ANKRD36B: variants seen among roughly 807,000 people sequenced by gnomAD.
ANKRD36B encodes ankyrin repeat domain-containing protein 36B.
A neutral mutation model predicts 135.7 loss-of-function variants in ANKRD36B; 37 were observed. The ratio of observed to expected loss-of-function variants is 0.27; its 90% CI spans 0.21 to 0.36. The LOEUF (loss-of-function observed/expected upper bound fraction) is 0.36. Ranked by LOEUF, ANKRD36B falls within the 10% of genes least tolerant of loss-of-function variation. The pLI is 1.00. For synonymous variants in ANKRD36B, 179 were observed against 348.1 expected (o/e 0.51, Z 5.41); for missense variants, 549 against 1,037.1 (o/e 0.53, Z 6.46).
At chr2:97,580,667 T>A (rs1355859313) in intron 3 of ANKRD36B, 99 bp from the exon 4 acceptor site, 2 of 1,159,886 alleles carry the variant, frequency 1.7e-6, no homozygotes, top group Admixed American at 5.4e-5. Flanking sequence ...ATATATACAA[T>A]TGAAAGGTCG....
chr2:97,588,512 G>A (rs2083183574), intron 1 of ANKRD36B, among the ~76,000 whole-genome samples: 1 of 152,124 alleles, frequency 6.6e-6, no homozygotes, highest in Middle Eastern at 3.4e-3. Flanking sequence ...TTCATATCTA[G>A]AAAGGCAAGT....
chr2:97,553,497 C>T (rs2080244476), intron 14 of ANKRD36B, 126 bp from the exon 15 acceptor site: 3 of 1,201,644 alleles, frequency 2.5e-6, no homozygotes, highest in South Asian at 2.9e-5. Flanking sequence ...ATGTTTTCTA[C>T]TTTATGTCTT....
intron 36 of ANKRD36B, among the ~76,000 whole-genome samples, chr2:97,519,698 A>C (rs2104361737): frequency 1.2e-5 from 1 of 83,242 alleles, no homozygotes; most frequent in South Asian, 2.7e-4. Context: ...AGGGTGCCTA[A>C]GGGTAAGAGA....
intron 6 of ANKRD36B, among the ~76,000 whole-genome samples, chr2:97,571,069 T>C (rs2081819435): frequency 6.6e-6 from 1 of 152,110 alleles, no homozygotes; most frequent in Non-Finnish European, 1.5e-5. Flanking sequence ...TTAACCAGAA[T>C]AAAAATTTGA....
chr2:97,577,639 T>C (rs1283375683), intron 5 of ANKRD36B, among the ~76,000 whole-genome samples: 1 of 149,882 alleles, frequency 6.7e-6, no homozygotes, highest in African/African-American at 2.4e-5. Context: ...TACTTTTACA[T>C]ATAACTGCTG....
In ANKRD36B at chr2:97,547,571, G is replaced by A. The variant is rs1347131351; in HGVS notation, c.1544C>T (p.Ala515Val). The stretch of plus-strand genomic sequence containing the variant: ...TTTTTCTCCATCTTTTTTTCCTCTG[G>A]CTATATTCAAAAGAGAATCTTTCTC... Reference protein sequence around the residue: ...RDEKDSLLNIARGKKDGEKTR... With the variant: ...RDEKDSLLNIVRGKKDGEKTR... Residue 515 changes from alanine (A) to valine (V), a missense_variant, in exon 22 of 44, where the codon GCC (alanine) becomes GTC (valine). Coordinates refer to ENST00000359901, the MANE Select transcript of ANKRD36B (RefSeq NM_001393939.1). 2 of 1,557,246 alleles carry A rather than the reference G, an allele frequency of 1.3e-6. No homozygotes were observed. Among genetic ancestry groups the A allele is most frequent in the African/African-American group, 2.7e-5 (2 of 73,586 alleles).
At chr2:97,547,333 G>A (rs967586152) in intron 22 of ANKRD36B, 49 of 583,716 alleles carry the variant, frequency 8.4e-5, no homozygotes, top group Non-Finnish European at 1.3e-4. Flanking sequence ...ATTTCAATGT[G>A]GGGAAGTGTA....
chr2:97,573,348 A>C (rs2082012382), intron 6 of ANKRD36B, among the ~76,000 whole-genome samples: 1 of 152,082 alleles, frequency 6.6e-6, no homozygotes, highest in Non-Finnish European at 1.5e-5. Flanking sequence ...TGTCTTTGCT[A>C]TTGTGAATAG....
chr2:97,562,846 C>T (rs1400527416), intron 6 of ANKRD36B, among the ~76,000 whole-genome samples: 1 of 151,964 alleles, frequency 6.6e-6, no homozygotes, highest in Non-Finnish European at 1.5e-5. Flanking sequence ...CAAAAGCAGC[C>T]CCATGGCCTC....
intron 2 of ANKRD36B, 22 bp downstream of exon 2, chr2:97,585,262 C>T (rs1395614825): frequency 6.3e-7 from 1 of 1,586,310 alleles, no homozygotes; most frequent in African/African-American, 1.3e-5. Context: ...ATCTCATGCT[C>T]AAAGAGTCAG....
At chr2:97,580,338 AC>A (rs2082548307) in intron 4 of ANKRD36B, 123 bp downstream of exon 4, 1 of 811,876 alleles carries the variant, frequency 1.2e-6, no homozygotes, top group Non-Finnish European at 1.8e-6. Context: ...GATATTTCTC[AC>A]TATATCCCAG....
intron 6 of ANKRD36B, among the ~76,000 whole-genome samples, chr2:97,569,516 C>T (rs2081679784): frequency 6.6e-6 from 1 of 150,840 alleles, no homozygotes; most frequent in Admixed American, 6.6e-5. Flanking sequence ...ATAGAAGGTA[C>T]AATACCAAGA....
rs2078371027 is a variant in ANKRD36B at position 97,528,667 on chromosome 2, A to G, written c.2265+3644T>C. On this transcript the variant is annotated intron_variant, in intron 35 of 43. Coordinates refer to ENST00000359901, the MANE Select transcript of ANKRD36B (RefSeq NM_001393939.1). ...TTGATAGACCGCTAGCAAGACTAAT[A>G]AAGAAGAAAAGAGAGAAGAATCAAA... Among the ~76,000 whole-genome samples the G allele has an allele frequency of 2.1e-5, 2 of 96,456 alleles. 1 individual carries two copies. The highest frequency in any genetic ancestry group is 6.2e-5 in the African/African-American group (2 of 32,106). The allele number at this position is 96,456 out of a possible 152,430, so 63.3% of individuals were successfully genotyped here.
At position 97,556,581 on chromosome 2, in the gene ANKRD36B, C is replaced by T. The variant is rs3927064; in HGVS notation, c.1069+356G>A. 2.5e-3 allele frequency among the ~76,000 whole-genome samples: 374 copies of T among 151,964 alleles called. 1 individual carries two copies. Among genetic ancestry groups the T allele is most frequent in the African/African-American group, 8.6e-3 (358 of 41,506 alleles). The stretch of plus-strand genomic sequence containing the variant: ...CTTCCTCCCTCTGGTTTTAGCAGTA[C>T]CATCTGACATCTATAATTTCTGTTA... On this transcript the variant is annotated intron_variant, in intron 12 of 43. Coordinates refer to ENST00000359901, the MANE Select transcript of ANKRD36B (RefSeq NM_001393939.1).
chr2:97,573,088 G>A (rs938420140), intron 6 of ANKRD36B, among the ~76,000 whole-genome samples: 4 of 149,802 alleles, frequency 2.7e-5, no homozygotes, highest in African/African-American at 9.7e-5. Flanking sequence ...AACAGTCCCC[G>A]GTGGGTGATG....
At chr2:97,578,703 C>T (rs1023020464) in intron 5 of ANKRD36B, among the ~76,000 whole-genome samples, 1 of 152,078 alleles carries the variant, frequency 6.6e-6, no homozygotes, top group African/African-American at 2.4e-5. Flanking sequence ...GAATCTTGCA[C>T]CTACTGCTAC....
intron 35 of ANKRD36B, among the ~76,000 whole-genome samples, chr2:97,531,544 T>C (rs1259219482): frequency 2.1e-5 from 2 of 93,558 alleles, no homozygotes; most frequent in African/African-American, 6.4e-5. Context: ...TTCCCTAAAA[T>C]TTAAAGTACA....
intron 8 of ANKRD36B, among the ~76,000 whole-genome samples, chr2:97,559,492 G>T (rs1416791169): frequency 6.6e-6 from 1 of 151,830 alleles, no homozygotes; most frequent in Non-Finnish European, 1.5e-5. Flanking sequence ...CTCTTCGGTG[G>T]AAATGTCCTA....
intron 20 of ANKRD36B, among the ~76,000 whole-genome samples, chr2:97,548,913 A>T (rs2079760297): frequency 6.6e-6 from 1 of 151,912 alleles, no homozygotes; most frequent in African/African-American, 2.4e-5. Context: ...AAAATTATAT[A>T]AATGACTTCC....
Sources: gnomAD v4.1 joint callset for allele counts (sites outside exome capture counted in the v4.1 genomes callset) on GRCh38, gnomAD v4.1.1 for gene constraint, MANE v1.5 for transcripts, NCBI Gene and HGNC (gene_info 2026-07-23, HGNC 2026-07-21) for gene names.